GRIP2: variants seen among roughly 807,000 people sequenced by gnomAD.
GRIP2 encodes glutamate receptor-interacting protein 2.
GRIP2 carries 58 observed loss-of-function variants against 108.3 expected under a neutral mutation model. That is an observed-to-expected ratio of 0.54 (90% CI 0.43 to 0.67). The LOEUF is 0.67. Among genes scored for constraint, GRIP2 ranks in the 30% least tolerant of loss-of-function variants. GRIP2 has a pLI of 0.00. For missense variants in GRIP2, 1,278 were observed against 1,430.6 expected, an observed-to-expected ratio of 0.89 and a Z score of 1.72; for synonymous variants, 586 against 598.2, an observed-to-expected ratio of 0.98 and a Z score of 0.30.
chr3:14,527,555 GTA>G (rs1189047055), intron 1 of GRIP2, among the ~76,000 whole-genome samples: 2 of 152,116 alleles, frequency 1.3e-5, no homozygotes, highest in Non-Finnish European at 1.5e-5. Context: ...GTATGTGTGT[GTA>G]TATTAGTATA....
chr3:14,539,897 G>A (rs1694920153), intron 1 of GRIP2, among the ~76,000 whole-genome samples: 1 of 152,092 alleles, frequency 6.6e-6, no homozygotes, highest in Non-Finnish European at 1.5e-5. Flanking sequence ...CACCCCTCTG[G>A]GTCGGACACT....
chr3:14,494,796 TAGGAAA>T (rs1424418946), intron 23 of GRIP2, 41 bp downstream of exon 23: 2 of 1,581,726 alleles, frequency 1.3e-6, no homozygotes, highest in East Asian at 4.5e-5. Flanking sequence ...ACCCTCAGGC[TAGGAAA>T]CAATGCCACC....
the GRIP2 span, among the ~76,000 whole-genome samples, chr3:14,599,683 C>CTGTGTGTGTGTGTGTG: frequency 5.7e-5 from 6 of 105,132 alleles, no homozygotes; most frequent in African/African-American, 2.0e-4. Flanking sequence ...CTCTCTCTCT[C>CTGTGTGTGTGTGTGTG]TCTGTGTGTG....
At chr3:14,602,232 C>T in the GRIP2 span, 1 of 152,130 alleles carries the variant, frequency 6.6e-6, no homozygotes, top group Non-Finnish European at 1.5e-5. The surrounding 1 kb of genome is among the most constrained non-coding windows in gnomAD (Gnocchi z 4.7). Context: ...CCTTCCTCCT[C>T]CCGCCCCCTC....
rs1194698797 is a variant in GRIP2, at chr3:14,492,322, T to C, written c.*1343A>G. 1 of 152,194 alleles carries C rather than the reference T, an allele frequency of 6.6e-6. No homozygotes were observed. The highest frequency in any genetic ancestry group is 2.4e-5 in the African/African-American group (1 of 41,402). The allele number at this position is 152,194 out of a possible 1,614,324, so 9.4% of individuals were successfully genotyped here. On this transcript the variant is annotated 3_prime_UTR_variant, in exon 24 of 24. Transcript: ENST00000621039. ...GGAGGTGGGAGTGGGTGCCCCGTTTTCCTGAGACCCCTGTGAGAACTGGGC... is the reference window on the plus strand; with the variant it reads ...GGAGGTGGGAGTGGGTGCCCCGTTTCCCTGAGACCCCTGTGAGAACTGGGC...
chr3:14,508,434 G>A (rs1373423928), intron 17 of GRIP2, among the ~76,000 whole-genome samples: 1 of 152,242 alleles, frequency 6.6e-6, no homozygotes, highest in Non-Finnish European at 1.5e-5. Flanking sequence ...AGCTGTAGCA[G>A]GTGCTTAGAG....
At chr3:14,543,841 G>A (rs979839139), upstream of GRIP2, among the ~76,000 whole-genome samples, 3 of 152,260 alleles carry the variant, frequency 2.0e-5, no homozygotes, top group African/African-American at 7.2e-5. Flanking sequence ...CCAGGTTTGT[G>A]AGACAACTGG....
chr3:14,529,498 G>A (rs1000196942), intron 1 of GRIP2, among the ~76,000 whole-genome samples: 1 of 152,050 alleles, frequency 6.6e-6, no homozygotes, highest in African/African-American at 2.4e-5. Flanking sequence ...TACAATAAAA[G>A]TATTATATCC....
At chr3:14,564,316 C>T in the GRIP2 span, among the ~76,000 whole-genome samples, 3 of 152,216 alleles carry the variant, frequency 2.0e-5, no homozygotes, top group Non-Finnish European at 4.4e-5. Flanking sequence ...GTGGAGGTGT[C>T]GGAAATGCCA....
At chr3:14,499,496 G>A (rs1212049396) in intron 21 of GRIP2, among the ~76,000 whole-genome samples, 5 of 151,982 alleles carry the variant, frequency 3.3e-5, no homozygotes, top group African/African-American at 7.3e-5. Flanking sequence ...CGGGCGGATC[G>A]CCAGAGATCA....
intron 9 of GRIP2, among the ~76,000 whole-genome samples, chr3:14,518,183 T>C (rs1694309086): frequency 6.6e-6 from 1 of 152,196 alleles, no homozygotes; most frequent in Admixed American, 6.5e-5. Context: ...AACACAGGCA[T>C]CCTGCCCTGG....
chr3:14,492,630 T>C lies in GRIP2; in HGVS notation c.*1035A>G, dbSNP rs755810022. Reference sequence around the variant, plus strand: ...CCATCTCCCTCCCTCTTTCTCCTCTTCCTCCACTGATCTGGCTGTAAAGAG... The same window carrying C: ...CCATCTCCCTCCCTCTTTCTCCTCTCCCTCCACTGATCTGGCTGTAAAGAG... On this transcript the variant is annotated 3_prime_UTR_variant, in exon 24 of 24. Transcript: ENST00000621039. The C allele has an allele frequency of 2.0e-5, 3 of 152,276 alleles. No individual in the cohort carries two copies. Among genetic ancestry groups the C allele is most frequent in the Non-Finnish European group, 4.4e-5 (3 of 68,092 alleles). 9.4% of individuals were successfully genotyped at this position (152,276 alleles called of 1,614,324 possible).
At chr3:14,526,079 G>T (rs1409219061) in intron 1 of GRIP2, 148 bp from the exon 2 acceptor site, 3 of 685,836 alleles carry the variant, frequency 4.4e-6, no homozygotes, top group Admixed American at 2.2e-5. Context: ...CTCTGCTGGA[G>T]AATCCTCACA....
chr3:14,579,898 T>C, the GRIP2 span, among the ~76,000 whole-genome samples: 6 of 152,326 alleles, frequency 3.9e-5, no homozygotes, highest in African/African-American at 7.2e-5. Flanking sequence ...CATCCTTCCA[T>C]GCCATTCCTG....
chr3:14,496,783 T>C (rs1410247123), intron 21 of GRIP2, among the ~76,000 whole-genome samples: 1 of 152,236 alleles, frequency 6.6e-6, no homozygotes, highest in Non-Finnish European at 1.5e-5. Context: ...TAATCATTCG[T>C]GCCGACCCAG....
upstream of GRIP2, chr3:14,541,756 G>T: frequency 1.6e-6 from 1 of 629,000 alleles, no homozygotes; most frequent in Non-Finnish European, 2.6e-6. Context: ...GACCAGCAGT[G>T]ATGCCAAGGT....
At chr3:14,533,085 T>G (rs1694751808) in intron 1 of GRIP2, among the ~76,000 whole-genome samples, 2 of 152,250 alleles carry the variant, frequency 1.3e-5, no homozygotes, top group Non-Finnish European at 2.9e-5. Context: ...GCTCCGCTCA[T>G]CCGCCTTCCA....
chr3:14,516,502 A>C (rs1357612935), intron 11 of GRIP2, among the ~76,000 whole-genome samples: 1 of 152,168 alleles, frequency 6.6e-6, no homozygotes, highest in East Asian at 1.9e-4. Context: ...ATCATTCACT[A>C]CTTTTGTCTT....
chr3:14,532,865 T>G (rs780203941), intron 1 of GRIP2, among the ~76,000 whole-genome samples: 2 of 152,186 alleles, frequency 1.3e-5, no homozygotes, highest in Non-Finnish European at 2.9e-5. Flanking sequence ...TCAGCCTGAG[T>G]CAGTGTTGCT....
Sources: allele counts gnomAD v4.1 joint callset (sites outside exome capture counted in the v4.1 genomes callset), GRCh38; gene constraint gnomAD v4.1.1; non-coding constraint Gnocchi (gnomAD v3.1); transcripts MANE v1.5; gene names NCBI Gene and HGNC (gene_info 2026-07-23, HGNC 2026-07-21).